The following SRP54 variants were observed in gnomAD, a reference collection of about 807,000 sequenced individuals.
SRP54 encodes signal recognition particle 54, also known as signal recognition particle subunit SRP54.
A neutral mutation model predicts 64.8 loss-of-function variants in SRP54; 10 were observed. The observed-to-expected ratio is 0.15, with a 90% confidence interval of 0.10 to 0.26. The LOEUF (loss-of-function observed/expected upper bound fraction) is 0.26, where lower values mean the gene tolerates loss of function less well. Ranked by LOEUF, SRP54 falls within the 10% of genes least tolerant of loss-of-function variation. The pLI, the probability that SRP54 is intolerant of heterozygous loss-of-function variation, is 1.00. For missense variants in SRP54, 325 were observed against 613.7 expected (o/e 0.53, Z 4.97); for synonymous variants, 193 against 185.6 (o/e 1.04, Z -0.32).
Position 35,000,963 on chromosome 14 carries a change from A to T in SRP54, c.198A>T (p.Ala66=), listed in dbSNP as rs759408208. The part of the protein sequence containing the change: ...VKSAIDLEEM[A]SGLNKRKMIQ... ...CTGCTATTGATCTTGAAGAGATGGC[A>T]TCTGGTCTTAACAAAAGAAAAATGA... Residue 66 remains alanine, a synonymous_variant, in exon 4 of 16, where the codon GCA becomes GCT. Coordinates refer to ENST00000216774, the MANE Select transcript of SRP54 (RefSeq NM_003136.4). The T allele has an allele frequency of 1.3e-6, 2 of 1,595,036 alleles. No individual in the cohort carries two copies. Among genetic ancestry groups the T allele is most frequent in the Admixed American group, 1.8e-5 (1 of 56,742 alleles).
At chr14:34,990,300 A>G (rs972213049) in intron 1 of SRP54, among the ~76,000 whole-genome samples, 5 of 152,200 alleles carry the variant, frequency 3.3e-5, no homozygotes, top group African/African-American at 9.7e-5. Flanking sequence ...GATTTCTTCT[A>G]TTATAGCATA....
chr14:35,022,878 T>C, intron 13 of SRP54, 32 bp from the exon 14 acceptor site: 1 of 1,545,940 alleles, frequency 6.5e-7, no homozygotes, highest in Non-Finnish European at 8.8e-7. Context: ...TGAATGATAA[T>C]TGTGTGTGAG....
intron 14 of SRP54, among the ~76,000 whole-genome samples, chr14:35,023,361 GA>G (rs1047169428): frequency 4.0e-4 from 58 of 146,198 alleles, no homozygotes; most frequent in Admixed American, 1.7e-3. Context: ...ATAATATAAG[GA>G]AAAAAAAAAC....
At chr14:35,005,852 G>A (rs1377918019) in intron 4 of SRP54, among the ~76,000 whole-genome samples, 1 of 151,592 alleles carries the variant, frequency 6.6e-6, no homozygotes. Context: ...TTTTGTTTTT[G>A]TTTTTGAGAT....
chr14:34,983,859 A>G (rs1198653394), intron 1 of SRP54, among the ~76,000 whole-genome samples: 2 of 152,254 alleles, frequency 1.3e-5, no homozygotes, highest in Non-Finnish European at 2.9e-5. Context: ...ACATTATATC[A>G]AGATGGGTAA....
intron 14 of SRP54, among the ~76,000 whole-genome samples, chr14:35,026,174 G>T (rs985039673): frequency 2.6e-5 from 4 of 151,494 alleles, no homozygotes; most frequent in Non-Finnish European, 5.9e-5. Flanking sequence ...TTCTGTTGTT[G>T]TTTTTTTATT....
At chr14:35,007,857 A>T (rs1301081641) in intron 5 of SRP54, among the ~76,000 whole-genome samples, 1 of 150,712 alleles carries the variant, frequency 6.6e-6, no homozygotes, top group Non-Finnish European at 1.5e-5. Flanking sequence ...GTGTTACTTG[A>T]TGTATGTTTT....
intron 11 of SRP54, among the ~76,000 whole-genome samples, chr14:35,018,221 T>C (rs1002286823): frequency 6.6e-6 from 1 of 152,264 alleles, no homozygotes; most frequent in Non-Finnish European, 1.5e-5. Flanking sequence ...TTTTTATTGC[T>C]GAATAATATT....
intron 1 of SRP54, among the ~76,000 whole-genome samples, chr14:34,990,437 C>G (rs1423815507): frequency 2.0e-5 from 3 of 152,106 alleles, no homozygotes; most frequent in Admixed American, 6.5e-5. Flanking sequence ...AACGGCTGTT[C>G]TATTCCCTAT....
intron 10 of SRP54, among the ~76,000 whole-genome samples, chr14:35,014,136 C>T (rs2044398884): frequency 6.6e-6 from 1 of 151,952 alleles, no homozygotes; most frequent in Non-Finnish European, 1.5e-5. Context: ...AGTACAAAAA[C>T]AAGTGGTTTT....
In SRP54 at chr14:35,029,147, A is replaced by T; in HGVS notation, c.1510A>T (p.Met504Leu). 1 of 1,613,434 alleles carries T rather than the reference A, an allele frequency of 6.2e-7. No individual in the cohort carries two copies. The highest frequency in any genetic ancestry group is 8.5e-7 in the Non-Finnish European group (1 of 1,179,638). ...GAAAGGCATGATGGGATTCAATAATATGTAAAGAAAATGCCTTAATATAAA... is the reference window on the plus strand; with the variant it reads ...GAAAGGCATGATGGGATTCAATAATTTGTAAAGAAAATGCCTTAATATAAA... Reference protein sequence around the residue: ...NMKGMMGFNNM With the variant: ...NMKGMMGFNNL The change falls in exon 16 of 16, where the codon ATG becomes TTG. Residue 504 changes from methionine (M) to leucine (L), a missense_variant. By Grantham distance (15) the Met-to-Leu change is conservative (BLOSUM62 2). Transcript: ENST00000216774.
intron 1 of SRP54, among the ~76,000 whole-genome samples, chr14:34,990,775 G>A (rs1334570125): frequency 6.6e-6 from 1 of 152,128 alleles, no homozygotes; most frequent in African/African-American, 2.4e-5. Flanking sequence ...ATGCATGGCA[G>A]GGAAATTCTG....
chr14:34,987,230 GAAAAAAAAA>G (rs199590717), intron 1 of SRP54, among the ~76,000 whole-genome samples: 2 of 124,318 alleles, frequency 1.6e-5, no homozygotes, highest in East Asian at 2.3e-4. Context: ...CACTACATCT[GAAAAAAAAA>G]AAAAAAAATA....
At chr14:35,028,297 T>C in intron 15 of SRP54, 114 bp downstream of exon 15, 2 of 631,322 alleles carry the variant, frequency 3.2e-6, no homozygotes, top group Non-Finnish European at 5.2e-6. Context: ...GTGTGTGATT[T>C]CAGGGAAATG....
chr14:34,986,990 T>C (rs1232999504), intron 1 of SRP54, among the ~76,000 whole-genome samples: 1 of 151,838 alleles, frequency 6.6e-6, no homozygotes, highest in Middle Eastern at 3.2e-3. Flanking sequence ...CCCAACACTT[T>C]GGGAGGCCAA....
At chr14:35,023,134 G>A (rs1595014816) in intron 14 of SRP54, 54 bp downstream of exon 14, 6 of 1,437,568 alleles carry the variant, frequency 4.2e-6, no homozygotes, top group South Asian at 1.3e-5. Flanking sequence ...AGGAAGTTGA[G>A]AAAAAAGAGT....
At chr14:35,027,662 A>C (rs943179325) in intron 14 of SRP54, 1 of 152,484 alleles carries the variant, frequency 6.6e-6, no homozygotes, top group Non-Finnish European at 1.5e-5. Flanking sequence ...AGGCTGAGGC[A>C]GGAGAATTAC....
At chr14:35,003,426 G>A (rs561930420) in intron 4 of SRP54, among the ~76,000 whole-genome samples, 2 of 152,168 alleles carry the variant, frequency 1.3e-5, no homozygotes, top group South Asian at 4.2e-4. Context: ...TCAAACTAGA[G>A]TGCAGTGGCG....
Position 35,013,498 on chromosome 14 carries a change from A to T in SRP54, c.785+4A>T. The T allele has an allele frequency of 6.2e-7, 1 of 1,613,596 alleles. No homozygotes were observed. The highest frequency in any genetic ancestry group is 8.5e-7 in the Non-Finnish European group (1 of 1,179,840). On this transcript the variant is annotated splice_donor_region_variant and intron_variant, in intron 9 of 15. Transcript: ENST00000216774. ...AAGGAGGTGGTGCACTCAGTGCGTA[A>T]GTATCATTGATACTGTTGTCCTCTG...
Sources: allele counts gnomAD v4.1 joint callset (sites outside exome capture counted in the v4.1 genomes callset), GRCh38; gene constraint gnomAD v4.1.1; transcripts MANE v1.5; gene names NCBI Gene and HGNC (gene_info 2026-07-23, HGNC 2026-07-21).